KCNT2: variants seen among roughly 807,000 people sequenced by gnomAD.
KCNT2 encodes potassium channel subfamily T member 2.
In KCNT2, 67 loss-of-function variants were observed where a neutral mutation model predicts 153.8. That is an observed-to-expected ratio of 0.44 (90% CI 0.36 to 0.53). The LOEUF (loss-of-function observed/expected upper bound fraction) is 0.53, where lower values mean the gene tolerates loss of function less well. KCNT2 is among the 20% of genes least tolerant of loss of function. The pLI, the probability that KCNT2 is intolerant of heterozygous loss-of-function variation, is 0.00. For missense variants in KCNT2, 975 were observed against 1,354.8 expected (o/e 0.72, Z 4.40); for synonymous variants, 500 against 458.8 (o/e 1.09, Z -1.15).
intron 13 of KCNT2, among the ~76,000 whole-genome samples, chr1:196,394,313 G>A (rs1240784402): frequency 1.3e-5 from 2 of 151,444 alleles, no homozygotes; most frequent in Non-Finnish European, 3.0e-5. Context: ...AGATGAAAAG[G>A]GACTCTTTTG....
At chr1:196,327,984 AAC>A (rs1477258862) in intron 18 of KCNT2, among the ~76,000 whole-genome samples, 2 of 152,146 alleles carry the variant, frequency 1.3e-5, no homozygotes, top group East Asian at 1.9e-4. Flanking sequence ...AAAATTACAA[AAC>A]ACTGCTGAAA....
chr1:196,476,818 T>C (rs181808037), intron 5 of KCNT2, among the ~76,000 whole-genome samples: 77 of 152,282 alleles, frequency 5.1e-4, no homozygotes, highest in Admixed American at 4.0e-3. Flanking sequence ...CATCCTTGCT[T>C]CATCCTACTG....
intron 14 of KCNT2, among the ~76,000 whole-genome samples, chr1:196,351,781 C>A (rs1166124167): frequency 2.0e-5 from 3 of 152,078 alleles, no homozygotes; most frequent in Admixed American, 1.3e-4. Context: ...CTGTCTTGTA[C>A]CAGTTTTCAA....
chr1:196,241,433 G>A (rs1022047411), intron 26 of KCNT2, among the ~76,000 whole-genome samples: 3 of 151,954 alleles, frequency 2.0e-5, no homozygotes, highest in Non-Finnish European at 4.4e-5. Context: ...TTATGTTTAT[G>A]AGTACAACTA....
intron 1 of KCNT2, among the ~76,000 whole-genome samples, chr1:196,552,395 T>C (rs1189145671): frequency 6.6e-6 from 1 of 151,398 alleles, no homozygotes; most frequent in Non-Finnish European, 1.5e-5. Flanking sequence ...CTGTTTTACT[T>C]TTACCCTAGA....
intron 26 of KCNT2, among the ~76,000 whole-genome samples, chr1:196,244,494 T>C (rs1440934133): frequency 6.6e-6 from 1 of 152,090 alleles, no homozygotes; most frequent in African/African-American, 2.4e-5. Flanking sequence ...GTTTCCTGCC[T>C]GGCAACATTC....
chr1:196,511,875 G>A (rs896322619), intron 1 of KCNT2, among the ~76,000 whole-genome samples: 4 of 152,162 alleles, frequency 2.6e-5, no homozygotes, highest in Non-Finnish European at 5.9e-5. Context: ...CACATTCGGA[G>A]GTACTAGGGG....
intron 15 of KCNT2, among the ~76,000 whole-genome samples, chr1:196,340,957 C>T (rs1197484882): frequency 2.6e-5 from 4 of 151,758 alleles, no homozygotes; most frequent in Admixed American, 2.0e-4. Context: ...GAAACTTACC[C>T]ATGGTCACCT....
chr1:196,391,528 T>C lies in KCNT2; in HGVS notation c.1294+7035A>G, dbSNP rs1350173701. Among the ~76,000 whole-genome samples the C allele has an allele frequency of 2.6e-5, 4 of 151,166 alleles. No individual in the cohort carries two copies. The East Asian group carries it at 7.8e-4, about 29-fold the overall frequency. On this transcript the variant is annotated intron_variant, in intron 13 of 27. Coordinates refer to ENST00000294725, the MANE Select transcript of KCNT2 (RefSeq NM_198503.5). ...TTGGGTGTTTGAAAATATACAACTA[T>C]AAAAAACATTAATGGAGATAAACAA...
chr1:196,414,917 TA>T (rs750082237), intron 12 of KCNT2, among the ~76,000 whole-genome samples: 1 of 151,876 alleles, frequency 6.6e-6, no homozygotes, highest in Non-Finnish European at 1.5e-5. Context: ...TGGAAGCACA[TA>T]AAATGACAGT....
At chr1:196,519,048 A>G (rs1014697289) in intron 1 of KCNT2, among the ~76,000 whole-genome samples, 1 of 152,076 alleles carries the variant, frequency 6.6e-6, no homozygotes, top group Non-Finnish European at 1.5e-5. Flanking sequence ...CAACATAAAA[A>G]AATCCTCAGC....
At chr1:196,231,460 T>A (rs978789691) in intron 27 of KCNT2, among the ~76,000 whole-genome samples, 3 of 151,248 alleles carry the variant, frequency 2.0e-5, no homozygotes, top group African/African-American at 7.3e-5. Context: ...AAAACATGAC[T>A]CCTGTCCGGC....
At chr1:196,335,785 A>T (rs1462622607) in intron 16 of KCNT2, among the ~76,000 whole-genome samples, 1 of 152,024 alleles carries the variant, frequency 6.6e-6, no homozygotes, top group African/African-American at 2.4e-5. Context: ...TCACCCTTTG[A>T]TCACCACTAT....
chr1:196,286,641 A>C (rs530258926), intron 22 of KCNT2, among the ~76,000 whole-genome samples: 2 of 138,948 alleles, frequency 1.4e-5, no homozygotes, highest in African/African-American at 6.0e-5. Flanking sequence ...ACACACATAC[A>C]CACACACACA....
At chr1:196,477,486 A>G (rs138673981) in intron 5 of KCNT2, among the ~76,000 whole-genome samples, 1 of 152,060 alleles carries the variant, frequency 6.6e-6, no homozygotes, top group Admixed American at 6.6e-5. Flanking sequence ...TAGTCAAGAG[A>G]GTAGGGAGAA....
intron 12 of KCNT2, among the ~76,000 whole-genome samples, chr1:196,421,930 TTC>T (rs1290525017): frequency 6.6e-6 from 1 of 152,046 alleles, no homozygotes; most frequent in African/African-American, 2.4e-5. Context: ...CCTCCAAATT[TTC>T]TCTTTTTATA....
In KCNT2 at chr1:196,416,448, G is replaced by A. The variant is rs563163453; in HGVS notation, c.1185+6602C>T. On this transcript the variant is annotated intron_variant, in intron 12 of 27. Transcript: ENST00000294725. ...AGTATATATAGGGTTTGGTACTATCGGCAATTATAGGCATCAGCTGGGGAT... is the reference window on the plus strand; with the variant it reads ...AGTATATATAGGGTTTGGTACTATCAGCAATTATAGGCATCAGCTGGGGAT... Among the ~76,000 whole-genome samples the A allele has an allele frequency of 9.9e-5, 15 of 152,094 alleles. No homozygotes were observed. In the East Asian group the frequency reaches 2.1e-3, roughly 22 times the overall value.
chr1:196,542,533 C>T (rs930367171), intron 1 of KCNT2, among the ~76,000 whole-genome samples: 2 of 152,078 alleles, frequency 1.3e-5, no homozygotes, highest in African/African-American at 4.8e-5. Context: ...CTACAGTACA[C>T]CTTTCTTGTA....
chr1:196,469,937 A>G (rs1396784514), intron 5 of KCNT2, among the ~76,000 whole-genome samples: 1 of 152,196 alleles, frequency 6.6e-6, no homozygotes, highest in African/African-American at 2.4e-5. Context: ...AACACTGACT[A>G]TAAAATTGGG....
Sources: gnomAD v4.1 joint callset for allele counts (sites outside exome capture counted in the v4.1 genomes callset) on GRCh38, gnomAD v4.1.1 for gene constraint, MANE v1.5 for transcripts, NCBI Gene and HGNC (gene_info 2026-07-23, HGNC 2026-07-21) for gene names.